Variants in ODAD2 observed in about 807,000 individuals in gnomAD.
ODAD2 encodes outer dynein arm-docking complex subunit 2.
Under a neutral mutation model 106.8 loss-of-function variants are expected in ODAD2, and 89 were observed. The ratio of observed to expected loss-of-function variants is 0.83; its 90% confidence interval spans 0.70 to 0.99. The LOEUF (loss-of-function observed/expected upper bound fraction) is 0.99. ODAD2 is among the 50% of genes least tolerant of loss of function. The pLI, the probability that ODAD2 is intolerant of heterozygous loss-of-function variation, is 0.00. For missense variants in ODAD2, 1,168 were observed against 1,238.5 expected, an observed-to-expected ratio of 0.94 and a Z score of 0.85; for synonymous variants, 404 against 436.2, an observed-to-expected ratio of 0.93 and a Z score of 0.92.
intron 19 of ODAD2, among the ~76,000 whole-genome samples, chr10:27,825,003 G>A (rs1836927172): frequency 6.6e-6 from 1 of 151,922 alleles, no homozygotes; most frequent in Non-Finnish European, 1.5e-5. Flanking sequence ...ACCTCAAAAG[G>A]GACAGAGCTG....
intron 17 of ODAD2, among the ~76,000 whole-genome samples, chr10:27,870,102 A>G (rs1840748726): frequency 6.6e-6 from 1 of 152,180 alleles, no homozygotes. Context: ...GATCTCCAAA[A>G]AGTCTAGAAG....
At chr10:27,926,942 C>G (rs147480495) in intron 16 of ODAD2, among the ~76,000 whole-genome samples, 1 of 151,922 alleles carries the variant, frequency 6.6e-6, no homozygotes, top group Admixed American at 6.6e-5. Flanking sequence ...AAACAAGAAA[C>G]GAAAATTCAG....
At chr10:27,842,343 T>G (rs1838368061) in intron 19 of ODAD2, among the ~76,000 whole-genome samples, 1 of 152,174 alleles carries the variant, frequency 6.6e-6, no homozygotes, top group South Asian at 2.1e-4. Flanking sequence ...GTATCTTTAT[T>G]TCATTTCTTT....
At chr10:27,840,490 A>C (rs1209063897) in intron 19 of ODAD2, among the ~76,000 whole-genome samples, 1 of 152,192 alleles carries the variant, frequency 6.6e-6, no homozygotes, top group African/African-American at 2.4e-5. Context: ...CTTGTAAAGT[A>C]TCACATGCTT....
intron 13 of ODAD2, among the ~76,000 whole-genome samples, chr10:27,940,360 GAT>G (rs895453171): frequency 3.3e-5 from 5 of 150,920 alleles, no homozygotes; most frequent in Admixed American, 1.3e-4. Context: ...ATATGTGTGA[GAT>G]ATATATATAT....
chr10:27,998,780 T>G (rs915000812), intron 1 of ODAD2, among the ~76,000 whole-genome samples: 11 of 152,032 alleles, frequency 7.2e-5, no homozygotes, highest in African/African-American at 2.7e-4. Flanking sequence ...GGGGTGAGCG[T>G]GGAGACCCCC....
chr10:27,973,041 A>G lies in ODAD2; in HGVS notation c.937-1728T>C, dbSNP rs1290466532. On this transcript the variant is annotated intron_variant, in intron 7 of 19. Coordinates refer to ENST00000305242, the MANE Select transcript of ODAD2 (RefSeq NM_018076.5). ...CATTAATAAGTTTAAAGTAACTAAA[A>G]TCATATAAACATCTTAATACATTGG... Among the ~76,000 whole-genome samples, 7 of 152,190 alleles carry G rather than the reference A, an allele frequency of 4.6e-5. 1 individual carries two copies. Among genetic ancestry groups the G allele is most frequent in the Non-Finnish European group, 1.0e-4 (7 of 68,038 alleles).
rs562009358 is a variant in ODAD2, at chr10:27,850,159, C to T, written c.3021+10466G>A. On this transcript the variant is annotated intron_variant, in intron 19 of 19. Coordinates refer to ENST00000305242, the MANE Select transcript of ODAD2 (RefSeq NM_018076.5). ...GCGAACTGTGTGTTTAAAGTGAAAA[C>T]ATTTGCTGGGCGTGGCGGCTCACAC... Among the ~76,000 whole-genome samples, 8 of 152,218 alleles carry T rather than the reference C, an allele frequency of 5.3e-5. No homozygotes were observed. In the South Asian group the frequency reaches 1.5e-3, roughly 28 times the overall value.
chr10:27,891,720 G>C (rs1215606499), intron 17 of ODAD2, among the ~76,000 whole-genome samples: 1 of 151,804 alleles, frequency 6.6e-6, no homozygotes, highest in Non-Finnish European at 1.5e-5. Flanking sequence ...GCAGAATTAA[G>C]GAAATTAAGC....
At chr10:27,829,214 G>A (rs1345291677) in intron 19 of ODAD2, among the ~76,000 whole-genome samples, 2 of 152,036 alleles carry the variant, frequency 1.3e-5, no homozygotes, top group Admixed American at 1.3e-4. Context: ...TAAAGTACAG[G>A]GCTGGAAAGA....
At chr10:27,985,336 A>G (rs2133139291) in intron 3 of ODAD2, 125 bp from the exon 4 acceptor site, 1 of 780,502 alleles carries the variant, frequency 1.3e-6, no homozygotes, top group Non-Finnish European at 1.9e-6. Context: ...AGCTTTTTCT[A>G]AACGACCCAA....
chr10:27,827,264 A>G (rs1837118220), intron 19 of ODAD2, among the ~76,000 whole-genome samples: 1 of 151,452 alleles, frequency 6.6e-6, no homozygotes, highest in Non-Finnish European at 1.5e-5. Flanking sequence ...TTTTTTGTCT[A>G]TACACCCTCC....
intron 2 of ODAD2, among the ~76,000 whole-genome samples, chr10:27,990,324 C>T (rs1282189517): frequency 6.6e-6 from 1 of 152,000 alleles, no homozygotes; most frequent in African/African-American, 2.4e-5. Context: ...CTTATTTATT[C>T]GTTGGTCTGT....
At chr10:27,885,563 A>AAT (rs1278959871) in intron 17 of ODAD2, among the ~76,000 whole-genome samples, 9 of 17,516 alleles carry the variant, frequency 5.1e-4, no homozygotes, top group South Asian at 3.4e-3. Flanking sequence ...TATAAATATA[A>AAT]ATATATATAT....
intron 7 of ODAD2, among the ~76,000 whole-genome samples, chr10:27,977,050 G>T (rs1849235687): frequency 6.6e-6 from 1 of 151,988 alleles, no homozygotes; most frequent in Non-Finnish European, 1.5e-5. Context: ...AGAAAAAAAT[G>T]AACTTTGATC....
intron 10 of ODAD2, chr10:27,959,079 G>A: frequency 1.7e-6 from 2 of 1,158,838 alleles, no homozygotes; most frequent in Non-Finnish European, 2.3e-6. Context: ...GCTCATGCCT[G>A]TAATCCCAGC....
intron 19 of ODAD2, 92 bp from the exon 20 acceptor site, chr10:27,812,717 T>C: frequency 7.0e-7 from 1 of 1,423,552 alleles, no homozygotes; most frequent in East Asian, 2.7e-5. Flanking sequence ...TTTTCAATAG[T>C]AAATTTTTTT....
chr10:27,931,176 A>T (rs1845593450), intron 16 of ODAD2, among the ~76,000 whole-genome samples: 1 of 152,148 alleles, frequency 6.6e-6, no homozygotes, highest in Non-Finnish European at 1.5e-5. Flanking sequence ...TGACCATGAC[A>T]CTTATTTGGG....
At chr10:27,974,790 A>G (rs1849089020) in intron 7 of ODAD2, among the ~76,000 whole-genome samples, 3 of 151,162 alleles carry the variant, frequency 2.0e-5, no homozygotes, top group Non-Finnish European at 4.4e-5. Context: ...GTTTTTGGTA[A>G]TTTGATAGGA....
Sources: allele counts gnomAD v4.1 joint callset (sites outside exome capture counted in the v4.1 genomes callset), GRCh38; gene constraint gnomAD v4.1.1; transcripts MANE v1.5; gene names NCBI Gene and HGNC (gene_info 2026-07-23, HGNC 2026-07-21).